FOXO3: variants seen among roughly 807,000 people sequenced by gnomAD.
The protein encoded by FOXO3 is forkhead box protein O3.
FOXO3 carries 4 observed loss-of-function variants against 41.9 expected under a neutral mutation model. That is an observed-to-expected ratio of 0.10 (90% CI 0.05 to 0.22). FOXO3 has a LOEUF of 0.22. FOXO3 is among the 10% of genes least tolerant of loss of function. The pLI is 1.00. For missense variants in FOXO3, 534 were observed against 906.8 expected (o/e 0.59, Z 5.28); for synonymous variants, 318 against 389.3 (o/e 0.82, Z 2.16).
intron 1 of FOXO3, among the ~76,000 whole-genome samples, chr6:108,650,008 T>C (rs1778503785): frequency 6.6e-6 from 1 of 152,192 alleles, no homozygotes; most frequent in African/African-American, 2.4e-5. Flanking sequence ...GATCGTATTA[T>C]GAGCCCACAC....
At chr6:108,666,834 G>T (rs963542708) in intron 2 of FOXO3, among the ~76,000 whole-genome samples, 5 of 152,132 alleles carry the variant, frequency 3.3e-5, no homozygotes, top group African/African-American at 1.2e-4. Flanking sequence ...CTACCAACAG[G>T]TTTGCACCCC....
chr6:108,562,058 T>G (rs1582721545), intron 1 of FOXO3, among the ~76,000 whole-genome samples: 1 of 149,308 alleles, frequency 6.7e-6, no homozygotes, highest in Non-Finnish European at 1.5e-5. Flanking sequence ...CATGGCCAGG[T>G]GAGGAGAGGG....
chr6:108,577,020 T>C (rs1776281908), intron 1 of FOXO3, among the ~76,000 whole-genome samples: 1 of 152,200 alleles, frequency 6.6e-6, no homozygotes, highest in Non-Finnish European at 1.5e-5. Context: ...TGATTGCAGC[T>C]ATTGAGTGCT....
chr6:108,574,931 A>C (rs1351511257), intron 1 of FOXO3, among the ~76,000 whole-genome samples: 3 of 152,228 alleles, frequency 2.0e-5, no homozygotes, highest in Non-Finnish European at 4.4e-5. Context: ...TCTGTGATAA[A>C]CGTGAGCAGG....
rs919913890 is a variant in FOXO3, at chr6:108,629,875, C to T, written c.622-33580C>T. Reference sequence around the variant, plus strand: ...GTGATCAAAATATTAGAAATACTGACTCTGAAATTGATTCAGATACATTTG... The same window carrying T: ...GTGATCAAAATATTAGAAATACTGATTCTGAAATTGATTCAGATACATTTG... On this transcript the variant is annotated intron_variant, in intron 1 of 2. Transcript: ENST00000406360. Among the ~76,000 whole-genome samples the T allele has an allele frequency of 1.6e-4, 24 of 152,280 alleles. 1 individual carries two copies. The highest frequency in any genetic ancestry group is 1.6e-3 in the Admixed American group (24 of 15,292).
chr6:108,663,847 C>A lies in FOXO3; in HGVS notation c.1014C>A (p.Asp338Glu). The change falls in exon 2 of 3, where the codon GAC becomes GAA. Residue 338 changes from aspartate (D) to glutamate (E), a missense_variant. Physicochemically the swap from Asp to Glu is conservative, Grantham distance 45. Around this residue, in one of 8 missense-constraint regions of FOXO3, gnomAD observed 185 missense variants for 224.9 expected, o/e 0.82. Coordinates refer to ENST00000406360, the MANE Select transcript of FOXO3 (RefSeq NM_001455.4). ...GCACAGAGTTGGATGAAGTCCAGGA[C>A]GATGATGCGCCTCTCTCGCCCATGC... ...MASTELDEVQ[D>E]DDAPLSPMLY... The A allele has an allele frequency of 6.2e-7, 1 of 1,613,862 alleles. No homozygotes were observed. The highest frequency in any genetic ancestry group is 1.1e-5 in the South Asian group (1 of 91,060).
intron 2 of FOXO3, among the ~76,000 whole-genome samples, chr6:108,677,401 G>C (rs542061060): frequency 6.6e-6 from 1 of 152,122 alleles, no homozygotes; most frequent in Non-Finnish European, 1.5e-5. Context: ...CTCTGTTAGG[G>C]GCTCATGGGT....
chr6:108,673,424 C>T (rs1770426800), intron 2 of FOXO3, among the ~76,000 whole-genome samples: 2 of 152,254 alleles, frequency 1.3e-5, no homozygotes, highest in African/African-American at 2.4e-5. Context: ...TGGAGTTCCT[C>T]TCAGTTCCTC....
chr6:108,668,280 G>C (rs1436934854), intron 2 of FOXO3, among the ~76,000 whole-genome samples: 2 of 152,196 alleles, frequency 1.3e-5, no homozygotes, highest in Non-Finnish European at 2.9e-5. Context: ...CTGGCGGGCT[G>C]GGTGTTTCAC....
At chr6:108,572,600 G>T (rs563402377) in intron 1 of FOXO3, among the ~76,000 whole-genome samples, 1 of 152,176 alleles carries the variant, frequency 6.6e-6, no homozygotes, top group African/African-American at 2.4e-5. Flanking sequence ...AATCAGAATT[G>T]CATCTGTTTA....
chr6:108,665,549 ACAGTGTCT>A (rs554175366), intron 2 of FOXO3, among the ~76,000 whole-genome samples: 6 of 152,328 alleles, frequency 3.9e-5, no homozygotes, highest in Admixed American at 3.9e-4. Context: ...GAGGCCAGGC[ACAGTGTCT>A]CACGCCTATA....
At chr6:108,632,667 C>T (rs1240773679) in intron 1 of FOXO3, among the ~76,000 whole-genome samples, 2 of 152,122 alleles carry the variant, frequency 1.3e-5, no homozygotes, top group South Asian at 2.1e-4. Flanking sequence ...GCTGGCACTA[C>T]GTTTGAGCTA....
At chr6:108,661,389 G>C (rs150593748) in intron 1 of FOXO3, among the ~76,000 whole-genome samples, 1 of 152,060 alleles carries the variant, frequency 6.6e-6, no homozygotes, top group Non-Finnish European at 1.5e-5. Context: ...GTAGCATCAG[G>C]AGTATCTTTT....
At chr6:108,577,745 T>C (rs1776300966) in intron 1 of FOXO3, among the ~76,000 whole-genome samples, 1 of 152,234 alleles carries the variant, frequency 6.6e-6, no homozygotes, top group Non-Finnish European at 1.5e-5. Flanking sequence ...TAGTACTGAC[T>C]TTTAGATGCA....
At chr6:108,645,429 AT>A (rs540879181) in intron 1 of FOXO3, among the ~76,000 whole-genome samples, 1 of 143,594 alleles carries the variant, frequency 7.0e-6, no homozygotes. Flanking sequence ...CCCATGATTC[AT>A]TTTTTTTGTC....
intron 1 of FOXO3, among the ~76,000 whole-genome samples, chr6:108,659,520 T>G (rs1046266339): frequency 6.6e-5 from 10 of 152,228 alleles, no homozygotes; most frequent in Admixed American, 6.5e-5. Context: ...AGCCTGAGTC[T>G]TCTTATATAA....
rs759387047 is a variant in FOXO3, at chr6:108,561,295, A to G, written c.87A>G (p.Arg29=). Residue 29 remains arginine, a synonymous_variant, in exon 1 of 3, where the codon CGA becomes CGG. Transcript: ENST00000406360. ...DPEFEPQSRP[R]SCTWPLQRPE... ...AGTTCGAGCCCCAGAGCCGTCCGCG[A>G]TCCTGTACGTGGCCCCTGCAAAGGC... 1.3e-5 allele frequency: 21 copies of G among 1,569,186 alleles called. No individual in the cohort carries two copies. In the African/African-American group the frequency reaches 2.9e-4, roughly 21 times the overall value.
chr6:108,665,093 G>T (rs1044469494), intron 2 of FOXO3, among the ~76,000 whole-genome samples: 2 of 152,136 alleles, frequency 1.3e-5, no homozygotes, highest in African/African-American at 2.4e-5. Context: ...CCCTTCCCCC[G>T]CACAGTTTGC....
chr6:108,565,378 A>G (rs1775923357), intron 1 of FOXO3, among the ~76,000 whole-genome samples: 2 of 152,190 alleles, frequency 1.3e-5, no homozygotes, highest in African/African-American at 4.8e-5. Context: ...AAGAGGGGAA[A>G]AGGTTACATT....
Sources: gnomAD v4.1 joint callset for allele counts (sites outside exome capture counted in the v4.1 genomes callset) on GRCh38, gnomAD v4.1.1 for gene constraint, gnomAD v4.1.1 regional missense constraint, MANE v1.5 for transcripts, NCBI Gene and HGNC (gene_info 2026-07-23, HGNC 2026-07-21) for gene names.